The following RANBP2 variants were observed in gnomAD, a reference collection of about 807,000 sequenced individuals.
The protein encoded by RANBP2 is RAN binding protein 2.
In RANBP2, 57 loss-of-function variants were observed where a neutral mutation model predicts 303.6. The observed-to-expected ratio is 0.19, with a 90% CI of 0.15 to 0.23. RANBP2 has a LOEUF of 0.23. RANBP2 is among the 10% of genes least tolerant of loss of function. The pLI, the probability that RANBP2 is intolerant of heterozygous loss-of-function variation, is 1.00. For synonymous variants in RANBP2, 1,167 were observed against 1,301.5 expected (o/e 0.90, Z 2.23); for missense variants, 3,138 against 3,780.8 (o/e 0.83, Z 4.46).
At chr2:109,128,931 G>A in the RANBP2 span, 4 of 381,818 alleles carry the variant, frequency 1.0e-5, no homozygotes, top group East Asian at 1.1e-4. Flanking sequence ...CAGGCACGGC[G>A]CCTCCTTCCC....
At chr2:109,129,511 C>G in the RANBP2 span, 20 of 1,494,706 alleles carry the variant, frequency 1.3e-5, no homozygotes, top group South Asian at 1.2e-4. Context: ...ACCTAGGCAG[C>G]CGCGCGAGAC....
the RANBP2 span, among the ~76,000 whole-genome samples, chr2:109,461,225 C>T: frequency 6.6e-6 from 1 of 152,230 alleles, no homozygotes; most frequent in Non-Finnish European, 1.5e-5. Context: ...CAGATAACAC[C>T]AGTTCACAGT....
the RANBP2 span, among the ~76,000 whole-genome samples, chr2:109,572,726 C>T: frequency 6.6e-6 from 1 of 150,686 alleles, no homozygotes; most frequent in Admixed American, 6.7e-5. Flanking sequence ...AAGCAATTCT[C>T]CTGCCTCAGC....
At chr2:109,179,415 G>T in the RANBP2 span, among the ~76,000 whole-genome samples, 1 of 152,164 alleles carries the variant, frequency 6.6e-6, no homozygotes, top group Non-Finnish European at 1.5e-5. Flanking sequence ...TCGGAGCTGG[G>T]GGGTATCCCT....
At chr2:109,489,953 G>A in the RANBP2 span, among the ~76,000 whole-genome samples, 7 of 152,196 alleles carry the variant, frequency 4.6e-5, no homozygotes, top group Admixed American at 4.6e-4. Context: ...GGCCAGGCTG[G>A]TCTCGAACTC....
chr2:109,414,193 G>A, the RANBP2 span, among the ~76,000 whole-genome samples: 14 of 152,154 alleles, frequency 9.2e-5, no homozygotes, highest in East Asian at 1.9e-4. Context: ...CCACTGCACC[G>A]TCTACCCTGT....
chr2:109,623,441 A>G, the RANBP2 span, among the ~76,000 whole-genome samples: 2 of 152,140 alleles, frequency 1.3e-5, no homozygotes, highest in Admixed American at 1.3e-4. Flanking sequence ...GGTTAACAGA[A>G]TGAACAGCTC....
At chr2:109,266,122 T>A in the RANBP2 span, among the ~76,000 whole-genome samples, 1 of 150,600 alleles carries the variant, frequency 6.6e-6, no homozygotes, top group Non-Finnish European at 1.5e-5. Context: ...TGTATGTGTA[T>A]TCAGTGTGTT....
chr2:109,332,709 G>C, the RANBP2 span, among the ~76,000 whole-genome samples: 1 of 152,174 alleles, frequency 6.6e-6, no homozygotes, highest in Admixed American at 6.5e-5. Flanking sequence ...TTCCTGCCGA[G>C]CTTCCTACAG....
intron 15 of RANBP2, among the ~76,000 whole-genome samples, chr2:108,754,567 T>C (rs1362687536): frequency 1.3e-5 from 2 of 150,870 alleles, no homozygotes; most frequent in Admixed American, 1.3e-4. Flanking sequence ...TTTTGTTCAC[T>C]TGGAAAAGCT....
At chr2:108,746,205 GC>G (rs1696503056) in intron 7 of RANBP2, among the ~76,000 whole-genome samples, 2 of 130,900 alleles carry the variant, frequency 1.5e-5, no homozygotes, top group East Asian at 2.2e-4. Flanking sequence ...ACCATGTCTG[GC>G]CCTTTTTTTT....
At chr2:109,337,707 G>A in the RANBP2 span, among the ~76,000 whole-genome samples, 1 of 151,848 alleles carries the variant, frequency 6.6e-6, no homozygotes, top group Non-Finnish European at 1.5e-5. Flanking sequence ...GGTTATCTTG[G>A]TGGTCAAGTT....
the RANBP2 span, chr2:108,839,392 C>A: frequency 9.3e-7 from 1 of 1,075,526 alleles, no homozygotes; most frequent in Non-Finnish European, 1.3e-6. Flanking sequence ...TGAATATATT[C>A]TCTGTATTTC....
chr2:108,763,457 C>T lies in RANBP2; in HGVS notation c.2918C>T (p.Pro973Leu). The T allele has an allele frequency of 6.2e-7, 1 of 1,614,060 alleles. No individual in the cohort carries two copies. The highest frequency in any genetic ancestry group is 1.3e-5 in the African/African-American group (1 of 75,024). Reference sequence around the variant, plus strand: ...AATGTTCAACAGACAAGCACAAATCCACCTTTGCCAGAACCAGGATATTTC... The same window carrying T: ...AATGTTCAACAGACAAGCACAAATCTACCTTTGCCAGAACCAGGATATTTC... Reference protein sequence around the residue: ...NYNVQQTSTNPPLPEPGYFTK... With the variant: ...NYNVQQTSTNLPLPEPGYFTK... Residue 973 changes from proline to leucine, a missense_variant, in exon 20 of 29, where the codon CCA becomes CTA. Coordinates refer to ENST00000283195, the MANE Select transcript of RANBP2 (RefSeq NM_006267.5).
the RANBP2 span, among the ~76,000 whole-genome samples, chr2:108,940,955 C>T: frequency 6.6e-6 from 1 of 152,292 alleles, no homozygotes; most frequent in South Asian, 2.1e-4. Context: ...CGTATATACA[C>T]CCCCTGTGGC....
the RANBP2 span, among the ~76,000 whole-genome samples, chr2:108,813,148 C>T: frequency 2.8e-5 from 4 of 142,302 alleles, no homozygotes; most frequent in African/African-American, 1.0e-4. Context: ...ACTCGAGAGG[C>T]TGAGGCAGGA....
the RANBP2 span, among the ~76,000 whole-genome samples, chr2:109,708,184 C>T: frequency 6.6e-6 from 1 of 152,150 alleles, no homozygotes; most frequent in African/African-American, 2.4e-5. Flanking sequence ...ATGGCAAAAC[C>T]CCATCTCTAC....
the RANBP2 span, among the ~76,000 whole-genome samples, chr2:109,405,805 C>G: frequency 6.6e-6 from 1 of 152,246 alleles, no homozygotes; most frequent in East Asian, 1.9e-4. Flanking sequence ...TGGCCATCCC[C>G]CCTTCCTCCC....
At chr2:108,829,246 T>C in the RANBP2 span, among the ~76,000 whole-genome samples, 760 of 152,266 alleles carry the variant, frequency 5.0e-3, 4 homozygotes, top group South Asian at 0.021. Flanking sequence ...AAGCGATTGC[T>C]ACCCACAATA....
Sources: gnomAD v4.1 joint callset for allele counts (sites outside exome capture counted in the v4.1 genomes callset) on GRCh38, gnomAD v4.1.1 for gene constraint, MANE v1.5 for transcripts, NCBI Gene and HGNC (gene_info 2026-07-23, HGNC 2026-07-21) for gene names.